REC8: variants seen among roughly 807,000 people sequenced by gnomAD.
REC8 encodes meiotic recombination protein REC8 homolog.
A neutral mutation model predicts 78.3 loss-of-function variants in REC8; 42 were observed. The ratio of observed to expected loss-of-function variants is 0.54; its 90% CI spans 0.42 to 0.69. The LOEUF (loss-of-function observed/expected upper bound fraction) is 0.69, where lower values mean the gene tolerates loss of function less well. REC8 is among the 30% of genes least tolerant of loss of function. REC8 has a pLI of 0.00. For missense variants in REC8, 581 were observed against 715.8 expected, an observed-to-expected ratio of 0.81 and a Z score of 2.15; for synonymous variants, 268 against 274.1, an observed-to-expected ratio of 0.98 and a Z score of 0.22.
chr14:24,177,730 T>C lies in REC8; in HGVS notation c.836T>C (p.Leu279Pro). Residue 279 changes from leucine (L) to proline (P), a missense_variant, in exon 11 of 19, where the codon CTG becomes CCG. Coordinates refer to ENST00000611366, the MANE Select transcript of REC8 (RefSeq NM_001048205.2). The stretch of plus-strand genomic sequence containing the variant: ...GCAGAGGTGACCCCCCCGGAGGAGC[T>C]GCGTCTGCCAGCCCCACCCAGCCCA... ...LLMEVTPPEE[L>P]RLPAPPSPER... 1 of 1,611,294 alleles carries C rather than the reference T, an allele frequency of 6.2e-7. No homozygotes were observed. Among genetic ancestry groups the C allele is most frequent in the South Asian group, 1.1e-5 (1 of 90,844 alleles).
intron 3 of REC8, 38 bp from the exon 4 acceptor site, chr14:24,173,088 G>A: frequency 6.2e-7 from 1 of 1,612,694 alleles, no homozygotes; most frequent in Non-Finnish European, 8.5e-7. Flanking sequence ...GCAGCTGTCT[G>A]CTAAGCTGGC....
intron 6 of REC8, 62 bp downstream of exon 6, chr14:24,175,686 G>C: frequency 7.5e-7 from 1 of 1,333,740 alleles, no homozygotes; most frequent in Non-Finnish European, 1.1e-6. Context: ...CTGTAGAAAT[G>C]ACCATTTTTG....
intron 10 of REC8, 28 bp from the exon 11 acceptor site, chr14:24,177,681 G>A (rs2038962339): frequency 1.2e-6 from 2 of 1,603,936 alleles, no homozygotes; most frequent in Non-Finnish European, 1.7e-6. Context: ...GGGGCTTATG[G>A]GACAGAGCCC....
At position 24,172,471 on chromosome 14, in the gene REC8, T is replaced by G; in HGVS notation, c.-82T>G. On this transcript the variant is annotated 5_prime_UTR_variant, in exon 1 of 19. Transcript: ENST00000611366. ...AAATCCTGACTTCTCTCCAAGGTGT[T>G]GGGAATTCTGTGCCCTAAAGAATTC... The G allele has an allele frequency of 6.9e-7, 1 of 1,446,846 alleles. No homozygotes were observed. Among genetic ancestry groups the G allele is most frequent in the East Asian group, 2.4e-5 (1 of 41,840 alleles). The allele number at this position is 1,446,846 out of a possible 1,614,324, so 89.6% of individuals were successfully genotyped here. A position where few individuals can be genotyped will look rare whatever the true frequency, so the allele number is the denominator to read the frequency against.
chr14:24,172,628 G>A lies in REC8; in HGVS notation c.56+20G>A, dbSNP rs1451699883. On this transcript the variant is annotated intron_variant, in intron 1 of 18. Transcript: ENST00000611366. ...CATCTGGTAAGGGCGGGGCCCGTTG[G>A]CGCGCGATGGCGGACGCTGCCCGGG... 3 of 1,612,986 alleles carry A rather than the reference G, an allele frequency of 1.9e-6. No individual in the cohort carries two copies. In the African/African-American group the frequency reaches 4.0e-5, roughly 22 times the overall value.
At position 24,178,137 on chromosome 14, in the gene REC8, G is replaced by A. The variant is rs375099298; in HGVS notation, c.911G>A (p.Arg304Gln). The A allele has an allele frequency of 1.5e-5, 25 of 1,613,812 alleles. No homozygotes were observed. The Admixed American group carries it at 1.8e-4, about 12-fold the overall frequency. ...PPPPRRRRRR[R>Q]LLFWDKETQI... ...CCTCCTCGCCGCCGCCGTCGTCGCC[G>A]GTTACTGTTCTGGGACAAGGAGACT... Residue 304 changes from arginine (R) to glutamine (Q), a missense_variant, in exon 12 of 19, where the codon CGG (arginine) becomes CAG (glutamine). By Grantham distance (43) the Arg-to-Gln change is conservative. Transcript: ENST00000611366.
At position 24,172,279 on chromosome 14, in the gene REC8, G is replaced by C. The variant is rs569214788; in HGVS notation, c.-274G>C. 3.9e-6 allele frequency: 2 copies of C among 512,132 alleles called. No homozygotes were observed. Among genetic ancestry groups the C allele is most frequent in the Middle Eastern group, 5.1e-4 (1 of 1,952 alleles). 31.7% of individuals were successfully genotyped at this position (512,132 alleles called of 1,614,324 possible). On this transcript the variant is annotated 5_prime_UTR_variant, in exon 1 of 19. Coordinates refer to ENST00000611366, the MANE Select transcript of REC8 (RefSeq NM_001048205.2). The stretch of plus-strand genomic sequence containing the variant: ...CTCCAACCTGGAACCCAACCCAGAA[G>C]TCTCAAGTTTGACGCATCACGTGGC...
At position 24,172,594 on chromosome 14, in the gene REC8, C is replaced by T. The variant is rs1177178559; in HGVS notation, c.42C>T (p.Cys14=). The T allele has an allele frequency of 1.4e-5, 22 of 1,613,416 alleles. No homozygotes were observed. Among genetic ancestry groups the T allele is most frequent in the Non-Finnish European group, 1.7e-5 (20 of 1,179,512 alleles). ...YPNVLQRHTG[C]FATIWLAATR... ...ACGTGCTTCAGCGCCACACCGGCTG[C>T]TTTGCCACCATCTGGTAAGGGCGGG... The change falls in exon 1 of 19, where the codon TGC becomes TGT. Residue 14 remains cysteine (C), a synonymous_variant. Coordinates refer to ENST00000611366, the MANE Select transcript of REC8 (RefSeq NM_001048205.2).
Position 24,172,090 on chromosome 14 carries a change from A to G in REC8, c.-463A>G, listed in dbSNP as rs1342550631. 1 of 161,610 alleles carries G rather than the reference A, an allele frequency of 6.2e-6. No individual in the cohort carries two copies. Among genetic ancestry groups the G allele is most frequent in the Admixed American group, 6.3e-5 (1 of 15,988 alleles). The allele number at this position is 161,610 out of a possible 1,614,324, so 10.0% of individuals were successfully genotyped here. On this transcript the variant is annotated 5_prime_UTR_variant, in exon 1 of 19. Transcript: ENST00000611366. The stretch of plus-strand genomic sequence containing the variant: ...TTCCCGCGGTGCGATCTAGTCCTGC[A>G]GTAGGCGGCCCGGGGCCACACCGCG...
intron 12 of REC8, among the ~76,000 whole-genome samples, 188 bp from the exon 13 acceptor site, chr14:24,178,418 C>T (rs750218889): frequency 1.3e-5 from 2 of 152,168 alleles, no homozygotes; most frequent in Non-Finnish European, 2.9e-5. Context: ...CTTTAGTGAC[C>T]CACCTGTCAT....
In REC8 at chr14:24,177,175, A is replaced by T; in HGVS notation, c.659A>T (p.Glu220Val). 1 of 1,614,048 alleles carries T rather than the reference A, an allele frequency of 6.2e-7. No homozygotes were observed. The highest frequency in any genetic ancestry group is 8.5e-7 in the Non-Finnish European group (1 of 1,180,004). Reference sequence around the variant, plus strand: ...GAGCTCCCAGAGGTCAGCCGCCGAGAACTGGACCTGCTGATCGCAGAGGAA... The same window carrying T: ...GAGCTCCCAGAGGTCAGCCGCCGAGTACTGGACCTGCTGATCGCAGAGGAA... ...ERELPEVSRR[E>V]LDLLIAEEEE... is the part of the protein sequence containing the mutation. The change falls in exon 8 of 19, where the codon GAA becomes GTA. Residue 220 changes from glutamate to valine, a missense_variant. Physicochemically the swap from Glu to Val is moderately radical, Grantham distance 121. Coordinates refer to ENST00000611366, the MANE Select transcript of REC8 (RefSeq NM_001048205.2).
Position 24,177,355 on chromosome 14 carries a change from C to T in REC8, c.709C>T (p.Pro237Ser), listed in dbSNP as rs1489690547. The T allele has an allele frequency of 1.2e-6, 2 of 1,614,156 alleles. No individual in the cohort carries two copies. Among genetic ancestry groups the T allele is most frequent in the East Asian group, 2.2e-5 (1 of 44,890 alleles). ...EEEEAILLEIPRLPPPAPAEV... is the reference protein window; with the variant it reads ...EEEEAILLEISRLPPPAPAEV... Reference sequence around the variant, plus strand: ...GAACTCTGATTCTCTCTCCACAGTCCCGCGGCTCCCACCTCCAGCTCCTGC... The same window carrying T: ...GAACTCTGATTCTCTCTCCACAGTCTCGCGGCTCCCACCTCCAGCTCCTGC... Residue 237 changes from proline (P) to serine (S), a missense_variant and splice_region_variant, in exon 9 of 19, where the codon CCG becomes TCG. Pro to Ser is a moderately conservative substitution (Grantham distance 74). Coordinates refer to ENST00000611366, the MANE Select transcript of REC8 (RefSeq NM_001048205.2).
rs1304506439 is a variant in REC8 at position 24,177,458 on chromosome 14, C to G, written c.738-7C>G. ...TCTCCTCATTTCTCTTGCCCATTTC[C>G]CCTCAGGGTGGAAGGAATAGGAGAG... On this transcript the variant is annotated splice_region_variant and splice_polypyrimidine_tract_variant and intron_variant, in intron 9 of 18. Coordinates refer to ENST00000611366, the MANE Select transcript of REC8 (RefSeq NM_001048205.2). The G allele has an allele frequency of 6.2e-7, 1 of 1,614,114 alleles. No individual in the cohort carries two copies. Among genetic ancestry groups the G allele is most frequent in the South Asian group, 1.1e-5 (1 of 91,084 alleles).
chr14:24,178,377 T>G (rs953934298), intron 12 of REC8, among the ~76,000 whole-genome samples, 155 bp downstream of exon 12: 2 of 152,156 alleles, frequency 1.3e-5, no homozygotes, highest in Admixed American at 1.3e-4. Flanking sequence ...GCAGGCGATG[T>G]GGGTTTGCAC....
Position 24,172,518 on chromosome 14 carries a change from T to A in REC8, c.-35T>A. On this transcript the variant is annotated 5_prime_UTR_variant, in exon 1 of 19. Transcript: ENST00000611366. ...ATTCCGACTCAGATCCGAACGGGGATCTGGTGGAATCGAGGGTGAAAGACC... is the reference window on the plus strand; with the variant it reads ...ATTCCGACTCAGATCCGAACGGGGAACTGGTGGAATCGAGGGTGAAAGACC... 6.3e-7 allele frequency: 1 copy of A among 1,595,194 alleles called. No individual in the cohort carries two copies. Among genetic ancestry groups the A allele is most frequent in the Non-Finnish European group, 8.6e-7 (1 of 1,166,718 alleles).
At chr14:24,175,517 CT>C in intron 5 of REC8, 25 bp from the exon 6 acceptor site, 2 of 1,591,332 alleles carry the variant, frequency 1.3e-6, no homozygotes, top group South Asian at 2.2e-5. Flanking sequence ...TGAACCCTAT[CT>C]TTTGTTTCCA....
Position 24,179,147 on chromosome 14 carries a change from G to A in REC8, c.1252+14G>A, listed in dbSNP as rs2039044658. 6.4e-7 allele frequency: 1 copy of A among 1,564,286 alleles called. No homozygotes were observed. On this transcript the variant is annotated intron_variant, in intron 15 of 18. Transcript: ENST00000611366. ...TGGTGTCTTTAGGTAAGCACCTAGA[G>A]AAGAGGCGCAGTGGGACCACACCCT...
Position 24,177,458 on chromosome 14 carries a change from C to T in REC8, c.738-7C>T. On this transcript the variant is annotated splice_region_variant and splice_polypyrimidine_tract_variant and intron_variant, in intron 9 of 18. Coordinates refer to ENST00000611366, the MANE Select transcript of REC8 (RefSeq NM_001048205.2). Reference sequence around the variant, plus strand: ...TCTCCTCATTTCTCTTGCCCATTTCCCCTCAGGGTGGAAGGAATAGGAGAG... The same window carrying T: ...TCTCCTCATTTCTCTTGCCCATTTCTCCTCAGGGTGGAAGGAATAGGAGAG... 2 of 1,614,114 alleles carry T rather than the reference C, an allele frequency of 1.2e-6. No individual in the cohort carries two copies. Among genetic ancestry groups the T allele is most frequent in the Non-Finnish European group, 8.5e-7 (1 of 1,180,014 alleles).
chr14:24,175,314 C>T (rs1257155653), intron 5 of REC8: 6 of 404,808 alleles, frequency 1.5e-5, no homozygotes, highest in Non-Finnish European at 2.3e-5. Flanking sequence ...CCTTCTTGCA[C>T]AAATTGATGA....
Sources: allele counts gnomAD v4.1 joint callset (sites outside exome capture counted in the v4.1 genomes callset), GRCh38; gene constraint gnomAD v4.1.1; transcripts MANE v1.5; gene names NCBI Gene and HGNC (gene_info 2026-07-23, HGNC 2026-07-21).